RNGTT: variants seen among roughly 807,000 people sequenced by gnomAD.
The protein encoded by RNGTT is RNA guanylyltransferase and 5'-phosphatase.
In RNGTT, 33 loss-of-function variants were observed where a neutral mutation model predicts 79.3. The ratio of observed to expected loss-of-function variants is 0.42; its 90% CI spans 0.32 to 0.56. RNGTT has a LOEUF of 0.56. Ranked by LOEUF, RNGTT falls within the 20% of genes least tolerant of loss-of-function variation. The pLI, the probability that RNGTT is intolerant of heterozygous loss-of-function variation, is 0.17. For synonymous variants in RNGTT, 222 were observed against 235.9 expected (o/e 0.94, Z 0.54); for missense variants, 497 against 739.1 (o/e 0.67, Z 3.80).
rs144040435 is a variant in RNGTT at position 88,665,531 on chromosome 6, G to A, written c.1506+12822C>T. On this transcript the variant is annotated intron_variant, in intron 14 of 15. Coordinates refer to ENST00000369485, the MANE Select transcript of RNGTT (RefSeq NM_003800.5). ...CTTTCCATCCAACAGTACCTAACCCGTACACATTGTTGGGGTTATTGCCAG... is the reference window on the plus strand; with the variant it reads ...CTTTCCATCCAACAGTACCTAACCCATACACATTGTTGGGGTTATTGCCAG... Among the ~76,000 whole-genome samples the A allele has an allele frequency of 1.7e-4, 26 of 152,290 alleles. No individual in the cohort carries two copies. In the East Asian group the frequency reaches 4.8e-3, roughly 28 times the overall value.
chr6:88,734,110 G>C (rs1423283542), intron 13 of RNGTT, among the ~76,000 whole-genome samples: 2 of 152,084 alleles, frequency 1.3e-5, no homozygotes, highest in African/African-American at 4.8e-5. Context: ...AGTAATAACA[G>C]TGATAATGTA....
At chr6:88,716,591 G>C (rs1163109837) in intron 13 of RNGTT, among the ~76,000 whole-genome samples, 1 of 152,174 alleles carries the variant, frequency 6.6e-6, no homozygotes, top group Non-Finnish European at 1.5e-5. Flanking sequence ...TGATAGACTG[G>C]ATTAAGAAAA....
At chr6:88,942,580 A>G (rs975094340) in intron 1 of RNGTT, among the ~76,000 whole-genome samples, 1 of 152,094 alleles carries the variant, frequency 6.6e-6, no homozygotes, top group Non-Finnish European at 1.5e-5. Flanking sequence ...CATGTTGCCC[A>G]GGCTGGTCTC....
At chr6:88,700,704 C>T (rs1384270925) in intron 13 of RNGTT, among the ~76,000 whole-genome samples, 3 of 152,050 alleles carry the variant, frequency 2.0e-5, no homozygotes, top group Non-Finnish European at 4.4e-5. Context: ...GAAAGGTGGG[C>T]CTGAAATCAT....
intron 13 of RNGTT, among the ~76,000 whole-genome samples, chr6:88,705,404 T>C (rs1186974419): frequency 6.6e-6 from 1 of 152,160 alleles, no homozygotes; most frequent in Non-Finnish European, 1.5e-5. Flanking sequence ...AACTTATATG[T>C]AGATTACTTT....
intron 10 of RNGTT, among the ~76,000 whole-genome samples, chr6:88,848,315 G>A (rs1369521502): frequency 1.3e-5 from 2 of 151,822 alleles, no homozygotes; most frequent in Non-Finnish European, 2.9e-5. Flanking sequence ...CACTAATGAC[G>A]GAACAGAGTT....
rs759501463 is a variant in RNGTT at position 88,929,029 on chromosome 6, C to T, written c.323G>A (p.Arg108His). Residue 108 changes from arginine to histidine, a missense_variant, in exon 4 of 16, where the codon CGT (arginine) becomes CAT (histidine). Arg to His is a conservative substitution (Grantham distance 29). This residue lies in a region of RNGTT where 440 missense variants were observed against 671.5 expected (regional missense o/e 0.66). Transcript: ENST00000369485. ...TCTTTCATTAAACCGCTCACACAGACGAATAAAGGTCTCAGTATTCTCAGT... is the reference window on the plus strand; with the variant it reads ...TCTTTCATTAAACCGCTCACACAGATGAATAAAGGTCTCAGTATTCTCAGT... The part of the protein sequence containing the change: ...PTTENTETFI[R>H]LCERFNERNP... 1.6e-5 allele frequency: 25 copies of T among 1,612,372 alleles called. No homozygotes were observed. The highest frequency in any genetic ancestry group is 3.3e-5 in the South Asian group (3 of 90,860).
intron 13 of RNGTT, among the ~76,000 whole-genome samples, chr6:88,697,878 AATATATATATGATATATATATATG>A (rs1562201242): frequency 1.7e-5 from 2 of 114,536 alleles, no homozygotes; most frequent in South Asian, 4.9e-4. Context: ...CTTGGAAAAA[AATATATATATGATATATATATATG>A]ATATATATAT....
chr6:88,933,376 A>G (rs1784567224), intron 2 of RNGTT, among the ~76,000 whole-genome samples: 1 of 152,126 alleles, frequency 6.6e-6, no homozygotes, highest in Non-Finnish European at 1.5e-5. Flanking sequence ...ATCTAACTAT[A>G]TGTTTGCACT....
intron 8 of RNGTT, among the ~76,000 whole-genome samples, chr6:88,860,348 A>C (rs911731487): frequency 1.3e-5 from 2 of 152,200 alleles, no homozygotes; most frequent in African/African-American, 4.8e-5. Flanking sequence ...GATGGACACC[A>C]TGAGTTTAGA....
At chr6:88,772,796 C>T (rs1463672155) in intron 12 of RNGTT, among the ~76,000 whole-genome samples, 1 of 151,644 alleles carries the variant, frequency 6.6e-6, no homozygotes, top group Admixed American at 6.6e-5. Flanking sequence ...GTTAGAATGG[C>T]AATCATTAAA....
chr6:88,740,014 A>G (rs1021020978), intron 13 of RNGTT, among the ~76,000 whole-genome samples: 2 of 151,922 alleles, frequency 1.3e-5, no homozygotes, highest in Non-Finnish European at 2.9e-5. Context: ...GCTGACACCA[A>G]AGATATCATC....
intron 1 of RNGTT, among the ~76,000 whole-genome samples, chr6:88,954,084 G>T (rs1447124983): frequency 6.6e-6 from 1 of 152,060 alleles, no homozygotes; most frequent in Non-Finnish European, 1.5e-5. Flanking sequence ...TTAAAAAAAG[G>T]TATTTAGGCA....
chr6:88,892,882 T>C (rs1181633386), intron 6 of RNGTT, among the ~76,000 whole-genome samples: 1 of 152,100 alleles, frequency 6.6e-6, no homozygotes, highest in Admixed American at 6.6e-5. Context: ...TCTTGTCAAA[T>C]CTGGAAGAAT....
chr6:88,646,478 C>T (rs1465634698), intron 14 of RNGTT, among the ~76,000 whole-genome samples: 1 of 152,166 alleles, frequency 6.6e-6, no homozygotes, highest in Admixed American at 6.6e-5. Flanking sequence ...TTTGACCCAG[C>T]CATCCCATTA....
At chr6:88,790,100 C>A (rs1779356532) in intron 12 of RNGTT, among the ~76,000 whole-genome samples, 1 of 152,036 alleles carries the variant, frequency 6.6e-6, no homozygotes, top group African/African-American at 2.4e-5. Flanking sequence ...CAGAAAAAAA[C>A]CCATAGCAAT....
intron 8 of RNGTT, among the ~76,000 whole-genome samples, chr6:88,855,606 C>A (rs1167984062): frequency 1.3e-5 from 2 of 152,018 alleles, no homozygotes; most frequent in Non-Finnish European, 2.9e-5. Context: ...CAGCAGGTGT[C>A]TGGGGAGCAG....
chr6:88,739,725 T>TTATATATATATATATATA (rs367967175), intron 13 of RNGTT, among the ~76,000 whole-genome samples: 1 of 94,162 alleles, frequency 1.1e-5, no homozygotes. Context: ...GTGAAAAAAA[T>TTATATATATATATATATA]TATATATATA....
intron 8 of RNGTT, among the ~76,000 whole-genome samples, chr6:88,870,452 G>C (rs568311899): frequency 1.3e-5 from 2 of 149,650 alleles, no homozygotes; most frequent in Non-Finnish European, 3.0e-5. Context: ...AAATAAAAGA[G>C]CTACATTCCA....
Sources: gnomAD v4.1 joint callset for allele counts (sites outside exome capture counted in the v4.1 genomes callset) on GRCh38, gnomAD v4.1.1 for gene constraint, gnomAD v4.1.1 regional missense constraint, MANE v1.5 for transcripts, NCBI Gene and HGNC (gene_info 2026-07-23, HGNC 2026-07-21) for gene names.